Variants in RIPOR3 observed in about 807,000 individuals in gnomAD.
RIPOR3 encodes family with sequence similarity 65 member C.
RIPOR3 carries 95 observed loss-of-function variants against 114.3 expected under a neutral mutation model. The observed-to-expected ratio is 0.83, with a 90% CI of 0.70 to 0.99. RIPOR3 has a LOEUF of 0.99. Among genes scored for constraint, RIPOR3 ranks in the 50% least tolerant of loss-of-function variants. The pLI is 0.00. For synonymous variants in RIPOR3, 575 were observed against 543.8 expected, an observed-to-expected ratio of 1.06 and a Z score of -0.80; for missense variants, 1,252 against 1,266.9, an observed-to-expected ratio of 0.99 and a Z score of 0.18.
At chr20:50,640,643 G>C (rs1204391049) in intron 1 of RIPOR3, among the ~76,000 whole-genome samples, 1 of 149,788 alleles carries the variant, frequency 6.7e-6, no homozygotes, top group Non-Finnish European at 1.5e-5. Context: ...CCCTCCGCAG[G>C]GCTGGACAGC....
intron 3 of RIPOR3, among the ~76,000 whole-genome samples, chr20:50,619,652 C>T (rs1381278512): frequency 2.6e-5 from 4 of 152,206 alleles, no homozygotes; most frequent in African/African-American, 9.7e-5. Flanking sequence ...CGCACTGTCT[C>T]TCTGTTACCT....
chr20:50,666,224 T>TC (rs2086229452), intron 1 of RIPOR3, among the ~76,000 whole-genome samples: 1 of 101,842 alleles, frequency 9.8e-6, no homozygotes, highest in Non-Finnish European at 2.0e-5. Flanking sequence ...TTTCTTTTCT[T>TC]TTTTGAGACG....
chr20:50,654,422 G>GT (rs34825514), intron 1 of RIPOR3, among the ~76,000 whole-genome samples: 30,706 of 56,130 alleles, frequency 0.55, 12,984 homozygotes, highest in Non-Finnish European at 0.71. Context: ...AGGAGGCAGA[G>GT]TTTTTTTTTT....
chr20:50,627,119 T>G (rs140964945), intron 2 of RIPOR3, among the ~76,000 whole-genome samples: 1,731 of 151,816 alleles, frequency 0.011, 46 homozygotes, highest in African/African-American at 0.04. Context: ...AAGGTGGAGC[T>G]TGCAGTGAGC....
At position 50,620,029 on chromosome 20, in the gene RIPOR3, G is replaced by T. The variant is rs1254469555; in HGVS notation, c.226C>A (p.Gln76Lys). Residue 76 changes from glutamine (Q) to lysine (K), a missense_variant, in exon 3 of 22, where the codon CAG becomes AAG. By Grantham distance (53) the Gln-to-Lys change is moderately conservative. Transcript: ENST00000327979. The part of the protein sequence containing the change: ...KGSVCADPKP[Q>K]QVKKIFEALK... ...GCTTCGAAGATCTTCTTCACCTGCTGGGGCTTCGGGTCTGCACAGACCGAC... is the reference window on the plus strand; with the variant it reads ...GCTTCGAAGATCTTCTTCACCTGCTTGGGCTTCGGGTCTGCACAGACCGAC... 3.1e-6 allele frequency: 5 copies of T among 1,613,650 alleles called. No homozygotes were observed. Among genetic ancestry groups the T allele is most frequent in the Non-Finnish European group, 4.2e-6 (5 of 1,179,554 alleles).
chr20:50,688,042 CCCCA>C (rs67836471), intron 1 of RIPOR3, among the ~76,000 whole-genome samples: 20,764 of 152,008 alleles, frequency 0.14, 1,479 homozygotes, highest in East Asian at 0.22. Flanking sequence ...TGATTTTTGC[CCCCA>C]GCAAAATCTG....
intron 1 of RIPOR3, among the ~76,000 whole-genome samples, chr20:50,679,234 A>T (rs1600762924): frequency 6.8e-6 from 1 of 146,922 alleles, no homozygotes. Context: ...TATAATATTT[A>T]AAAATATATA....
intron 1 of RIPOR3, among the ~76,000 whole-genome samples, chr20:50,669,785 G>T (rs906819241): frequency 3.9e-5 from 6 of 152,018 alleles, no homozygotes; most frequent in African/African-American, 1.4e-4. Flanking sequence ...AAGACAAGGG[G>T]CAGAGGGACC....
At chr20:50,627,586 G>A (rs1568888046) in intron 2 of RIPOR3, among the ~76,000 whole-genome samples, 2 of 152,030 alleles carry the variant, frequency 1.3e-5, no homozygotes, top group East Asian at 3.9e-4. Flanking sequence ...AGGAGGCTGA[G>A]GCAGGAGAAT....
intron 1 of RIPOR3, among the ~76,000 whole-genome samples, chr20:50,634,885 T>A (rs1175706841): frequency 6.6e-6 from 1 of 151,964 alleles, no homozygotes; most frequent in Non-Finnish European, 1.5e-5. Flanking sequence ...ACACAAAAAT[T>A]AGCCGGGCGT....
In RIPOR3 at chr20:50,587,831, G is replaced by A. The variant is rs762015153; in HGVS notation, c.2723C>T (p.Ala908Val). 8 of 1,614,022 alleles carry A rather than the reference G, an allele frequency of 5.0e-6. No individual in the cohort carries two copies. Among genetic ancestry groups the A allele is most frequent in the South Asian group, 1.1e-5 (1 of 91,088 alleles). The change falls in exon 21 of 22, where the codon GCG becomes GTG. Residue 908 changes from alanine to valine, a missense_variant. Transcript: ENST00000327979. ...LCQSDLEAVRAAARETTLSFG... is the reference protein window; with the variant it reads ...LCQSDLEAVRVAARETTLSFG... Reference sequence around the variant, plus strand: ...CGACAGTGTGGTTTCCCGGGCTGCCGCCCGCACGGCCTCCAGGTCAGACTG... The same window carrying A: ...CGACAGTGTGGTTTCCCGGGCTGCCACCCGCACGGCCTCCAGGTCAGACTG...
At chr20:50,617,124 G>C (rs1348665587) in intron 3 of RIPOR3, among the ~76,000 whole-genome samples, 1 of 152,072 alleles carries the variant, frequency 6.6e-6, no homozygotes, top group Non-Finnish European at 1.5e-5. Context: ...CTGGGCAACA[G>C]AGCGAGACTT....
At chr20:50,669,769 C>T (rs1250703415) in intron 1 of RIPOR3, among the ~76,000 whole-genome samples, 1 of 151,878 alleles carries the variant, frequency 6.6e-6, no homozygotes, top group African/African-American at 2.4e-5. Context: ...TAGGTGACAC[C>T]TCATTAAGAC....
At chr20:50,634,215 C>A (rs1402653681) in intron 1 of RIPOR3, among the ~76,000 whole-genome samples, 1 of 152,086 alleles carries the variant, frequency 6.6e-6, no homozygotes, top group Non-Finnish European at 1.5e-5. Context: ...CTCCTGAGCT[C>A]AAGCGATCCA....
intron 1 of RIPOR3, among the ~76,000 whole-genome samples, chr20:50,663,132 A>T (rs2086057712): frequency 6.7e-6 from 1 of 149,960 alleles, no homozygotes; most frequent in Non-Finnish European, 1.5e-5. Context: ...CAAACTGCTG[A>T]CTGCACCTGT....
At chr20:50,595,979 G>C (rs1435924680) in intron 15 of RIPOR3, among the ~76,000 whole-genome samples, 161 bp downstream of exon 15, 1 of 152,190 alleles carries the variant, frequency 6.6e-6, no homozygotes, top group African/African-American at 2.4e-5. Flanking sequence ...CCAGACCCTG[G>C]TCTGCCTCTC....
chr20:50,642,345 G>GGT (rs71190581), intron 1 of RIPOR3, among the ~76,000 whole-genome samples: 6,073 of 96,340 alleles, frequency 0.063, 153 homozygotes, highest in Non-Finnish European at 0.093. Context: ...GTTCTCTGTG[G>GGT]GTGTGTGTGT....
At chr20:50,600,953 C>A (rs997355458) in intron 13 of RIPOR3, among the ~76,000 whole-genome samples, 2 of 152,024 alleles carry the variant, frequency 1.3e-5, no homozygotes, top group African/African-American at 4.8e-5. Context: ...GTGTGGTTGG[C>A]GATAAAATGT....
intron 1 of RIPOR3, among the ~76,000 whole-genome samples, chr20:50,665,642 G>A (rs1273225158): frequency 2.0e-5 from 3 of 151,864 alleles, no homozygotes; most frequent in South Asian, 2.1e-4. Context: ...GGCTGGTCTC[G>A]AACTCCTGAC....
Sources: allele counts gnomAD v4.1 joint callset (sites outside exome capture counted in the v4.1 genomes callset), GRCh38; gene constraint gnomAD v4.1.1; transcripts MANE v1.5; gene names NCBI Gene and HGNC (gene_info 2026-07-23, HGNC 2026-07-21).